Variants in OCIAD1 observed in about 807,000 individuals in gnomAD.
OCIAD1 encodes the protein OCIA domain-containing protein 1.
A neutral mutation model predicts 38.9 loss-of-function variants in OCIAD1; 29 were observed. The ratio of observed to expected loss-of-function variants is 0.74; its 90% CI spans 0.55 to 1.02. OCIAD1 has a LOEUF of 1.02. Ranked by LOEUF, OCIAD1 falls within the 50% of genes least tolerant of loss-of-function variation. The pLI is 0.00. For synonymous variants in OCIAD1, 110 were observed against 92.0 expected, an observed-to-expected ratio of 1.20 and a Z score of -1.12; for missense variants, 288 against 289.6, an observed-to-expected ratio of 0.99 and a Z score of 0.04.
intron 3 of OCIAD1, among the ~76,000 whole-genome samples, chr4:48,839,803 C>T (rs1317188640): frequency 6.6e-6 from 1 of 151,990 alleles, no homozygotes; most frequent in East Asian, 1.9e-4. Context: ...TAATAATGTG[C>T]ACTAGGTTTT....
Position 48,860,739 on chromosome 4 carries a change from T to G in OCIAD1, c.715T>G (p.Tyr239Asp). Reference protein sequence around the residue: ...VPKKEVKVNKYGDTWDE With the variant: ...VPKKEVKVNKDGDTWDE ...TTTTTTCCTAGTCAAAGTAAACAAG[T>G]ATGGAGATACTTGGGATGAGTGAAA... The change falls in exon 9 of 9, where the codon TAT becomes GAT. Residue 239 changes from tyrosine (Y) to aspartate (D), a missense_variant. Coordinates refer to ENST00000264312, the MANE Select transcript of OCIAD1 (RefSeq NM_017830.4). 6.2e-7 allele frequency: 1 copy of G among 1,604,092 alleles called. No individual in the cohort carries two copies. Among genetic ancestry groups the G allele is most frequent in the Non-Finnish European group, 8.5e-7 (1 of 1,171,634 alleles).
intron 8 of OCIAD1, among the ~76,000 whole-genome samples, chr4:48,859,010 A>G (rs1208485029): frequency 2.6e-5 from 4 of 152,146 alleles, no homozygotes; most frequent in African/African-American, 9.7e-5. Flanking sequence ...AAGATTTTCT[A>G]TTTACTACTT....
intron 1 of OCIAD1, among the ~76,000 whole-genome samples, chr4:48,817,656 C>T (rs768337893): frequency 2.6e-5 from 4 of 152,228 alleles, no homozygotes; most frequent in South Asian, 2.1e-4. Context: ...TCCATGGAGC[C>T]GAGCAAGCTA....
chr4:48,814,239 G>T lies in OCIAD1; in HGVS notation c.-103+8909G>T, dbSNP rs59086509. On this transcript the variant is annotated intron_variant, in intron 1 of 6. Transcript: ENST00000504654. ...AGAAAGGGTCACCTCCTGTGGAGGG[G>T]TTTTTTTTTTTTTTTTAATCCTTGC... 7.5e-3 allele frequency among the ~76,000 whole-genome samples: 1,050 copies of T among 139,202 alleles called. 12 individuals are homozygous for T. Among genetic ancestry groups the T allele is most frequent in the African/African-American group, 0.025 (939 of 38,100 alleles). 91.3% of individuals were successfully genotyped at this position (139,202 alleles called of 152,430 possible).
In OCIAD1 at chr4:48,832,682, C is replaced by G. The variant is rs750376769; in HGVS notation, c.58C>G (p.His20Asp). The G allele has an allele frequency of 2.6e-5, 41 of 1,605,330 alleles. 3 individuals carry two copies. The highest frequency in any genetic ancestry group is 2.2e-4 in the South Asian group (20 of 90,878). The change falls in exon 2 of 9, where the codon CAC (histidine) becomes GAC (aspartate). Residue 20 changes from histidine (H) to aspartate (D), a missense_variant and splice_region_variant. By Grantham distance (81) the His-to-Asp change is moderately conservative. Transcript: ENST00000264312. ...PNAEVPRPIP[H>D]IGPDYIPTEE... Reference sequence around the variant, plus strand: ...TGCAGAGGTTCCAAGACCAATTCCCCGTAACTATCTATTAAGTATTTATAA... The same window carrying G: ...TGCAGAGGTTCCAAGACCAATTCCCGGTAACTATCTATTAAGTATTTATAA...
intron 5 of OCIAD1, 50 bp from the exon 6 acceptor site, chr4:48,849,897 T>G: frequency 6.6e-7 from 1 of 1,518,128 alleles, no homozygotes; most frequent in Non-Finnish European, 8.9e-7. Flanking sequence ...AAAATACTTT[T>G]GTCTGAAAGG....
At chr4:48,860,340 A>C (rs531617088) in intron 8 of OCIAD1, 2 of 153,316 alleles carry the variant, frequency 1.3e-5, no homozygotes, top group African/African-American at 5.0e-5. Context: ...ATGGCTTAAT[A>C]TGTGCCACAC....
At chr4:48,858,025 A>C (rs891862868) in intron 8 of OCIAD1, among the ~76,000 whole-genome samples, 2 of 151,986 alleles carry the variant, frequency 1.3e-5, no homozygotes, top group African/African-American at 4.8e-5. Flanking sequence ...ATGGTGGTGC[A>C]TGCCTGTAAT....
At chr4:48,809,878 A>AT (rs1344232086) in intron 1 of OCIAD1, among the ~76,000 whole-genome samples, 1 of 152,210 alleles carries the variant, frequency 6.6e-6, no homozygotes, top group Non-Finnish European at 1.5e-5. Context: ...GACTTATTGC[A>AT]TTATATGTTG....
intron 4 of OCIAD1, among the ~76,000 whole-genome samples, chr4:48,845,117 A>G (rs1484061248): frequency 1.3e-5 from 2 of 152,176 alleles, no homozygotes; most frequent in Non-Finnish European, 1.5e-5. Context: ...CCATTTAAAC[A>G]TGCTCAGGTC....
chr4:48,812,920 G>GAGGTGGGTACCTTGAGT (rs1777105775), intron 1 of OCIAD1, among the ~76,000 whole-genome samples: 1 of 152,238 alleles, frequency 6.6e-6, no homozygotes, highest in African/African-American at 2.4e-5. Flanking sequence ...CGAACTGCTA[G>GAGGTGGGTACCTTGAGT]AGGTGGGTAC....
At chr4:48,833,749 A>G (rs2109517239) in intron 3 of OCIAD1, among the ~76,000 whole-genome samples, 1 of 152,350 alleles carries the variant, frequency 6.6e-6, no homozygotes, top group South Asian at 2.1e-4. Context: ...AGATTATATA[A>G]AAACAACCCA....
chr4:48,824,886 C>T (rs1447278839), intron 1 of OCIAD1, among the ~76,000 whole-genome samples: 2 of 151,984 alleles, frequency 1.3e-5, no homozygotes, highest in African/African-American at 4.8e-5. Context: ...CAGGCATGCA[C>T]CACTACATCT....
intron 7 of OCIAD1, among the ~76,000 whole-genome samples, chr4:48,854,743 C>G (rs564812046): frequency 6.6e-6 from 1 of 152,352 alleles, no homozygotes; most frequent in Non-Finnish European, 1.5e-5. Context: ...CTGCTCTCCA[C>G]ATGGGCCAGC....
At chr4:48,842,062 T>C (rs1778580529) in intron 3 of OCIAD1, among the ~76,000 whole-genome samples, 1 of 152,240 alleles carries the variant, frequency 6.6e-6, no homozygotes. Flanking sequence ...TTAGAATCTG[T>C]AACCAACCAT....
intron 6 of OCIAD1, among the ~76,000 whole-genome samples, chr4:48,850,528 AT>A (rs1356283059): frequency 6.6e-6 from 1 of 152,170 alleles, no homozygotes; most frequent in Non-Finnish European, 1.5e-5. Flanking sequence ...GGCTTCCCAA[AT>A]TGTTGAGATT....
chr4:48,822,046 T>A (rs1777200046), intron 1 of OCIAD1, among the ~76,000 whole-genome samples: 1 of 152,242 alleles, frequency 6.6e-6, no homozygotes, highest in African/African-American at 2.4e-5. Context: ...AAAAACTACT[T>A]TAAATTTCAT....
chr4:48,833,312 C>G, intron 2 of OCIAD1, 89 bp from the exon 3 acceptor site: 2 of 753,796 alleles, frequency 2.7e-6, no homozygotes, highest in Non-Finnish European at 4.5e-6. Flanking sequence ...AAAATGGGTG[C>G]CTCTTGTTAA....
chr4:48,814,516 T>C (rs1297185411), intron 1 of OCIAD1, among the ~76,000 whole-genome samples: 1 of 152,108 alleles, frequency 6.6e-6, no homozygotes, highest in African/African-American at 2.4e-5. Flanking sequence ...AAAAATAACA[T>C]AATTTACACA....
Sources: gnomAD v4.1 joint callset for allele counts (sites outside exome capture counted in the v4.1 genomes callset) on GRCh38, gnomAD v4.1.1 for gene constraint, MANE v1.5 for transcripts, NCBI Gene and HGNC (gene_info 2026-07-23, HGNC 2026-07-21) for gene names.